Variants in RUFY3 observed in about 807,000 individuals in gnomAD.
RUFY3 encodes protein RUFY3.
In RUFY3, 34 loss-of-function variants were observed where a neutral mutation model predicts 84.0. That is an observed-to-expected ratio of 0.40 (90% CI 0.31 to 0.54). RUFY3 has a LOEUF of 0.54. RUFY3 is among the 20% of genes least tolerant of loss of function. The pLI, the probability that RUFY3 is intolerant of heterozygous loss-of-function variation, is 0.39. For missense variants in RUFY3, 507 were observed against 736.8 expected, an observed-to-expected ratio of 0.69 and a Z score of 3.61; for synonymous variants, 242 against 252.9, an observed-to-expected ratio of 0.96 and a Z score of 0.41.
intron 10 of RUFY3, among the ~76,000 whole-genome samples, chr4:70,786,951 G>A (rs745861938): frequency 2.6e-5 from 4 of 151,532 alleles, no homozygotes; most frequent in Non-Finnish European, 4.4e-5. Context: ...TGGGAGGATC[G>A]CTTGAGCTTA....
At chr4:70,794,692 A>G (rs75656641) in intron 13 of RUFY3, 103 bp from the exon 14 acceptor site, 19,227 of 746,680 alleles carry the variant, frequency 0.026, 860 homozygotes, top group East Asian at 0.16. Context: ...GCCCTTAACC[A>G]TTCGTAATTA....
chr4:70,783,738 G>T (rs1729314133), intron 9 of RUFY3, among the ~76,000 whole-genome samples: 2 of 152,182 alleles, frequency 1.3e-5, no homozygotes, highest in African/African-American at 4.8e-5. Flanking sequence ...TACCAACATT[G>T]ACAATTCCCT....
chr4:70,749,449 G>A (rs1369228050), intron 1 of RUFY3, among the ~76,000 whole-genome samples: 1 of 151,360 alleles, frequency 6.6e-6, no homozygotes, highest in Non-Finnish European at 1.5e-5. Context: ...AACCAAGAAT[G>A]AGTAAGAGTA....
At chr4:70,804,473 G>A in intron 17 of RUFY3, 57 bp downstream of exon 17, 5 of 1,451,316 alleles carry the variant, frequency 3.4e-6, no homozygotes, top group Non-Finnish European at 4.8e-6. Context: ...GCAGCCCCCA[G>A]TCCCTCCCCA....
intron 1 of RUFY3, among the ~76,000 whole-genome samples, chr4:70,757,304 T>C (rs774660935): frequency 6.7e-6 from 1 of 150,076 alleles, no homozygotes; most frequent in Non-Finnish European, 1.5e-5. Flanking sequence ...AAATGGAACA[T>C]TTAAAATTAT....
At chr4:70,720,069 C>T (rs1043205370), upstream of RUFY3, among the ~76,000 whole-genome samples, 3 of 151,884 alleles carry the variant, frequency 2.0e-5, no homozygotes, top group African/African-American at 7.3e-5. Flanking sequence ...ACCAGTATAC[C>T]CTCCTTCTTT....
rs200494061 is a variant in RUFY3 at position 70,753,049 on chromosome 4, TTTA to T, written c.179-9460_179-9458del. 6.0e-3 allele frequency among the ~76,000 whole-genome samples: 920 copies of T among 152,290 alleles called. 36 individuals are homozygous for T. Among genetic ancestry groups the T allele is most frequent in the Admixed American group, 0.055 (833 of 15,280 alleles). Reference sequence around the variant, plus strand: ...CCTGGCCTCCTCTGTATGCTATTTTTTTATTATTATTACTAATTCAGGATCTTT... The same window carrying T: ...CCTGGCCTCCTCTGTATGCTATTTTTTTATTATTACTAATTCAGGATCTTT... On this transcript the variant is annotated intron_variant, in intron 1 of 17. Transcript: ENST00000381006.
intron 1 of RUFY3, among the ~76,000 whole-genome samples, chr4:70,744,903 CCTCAGGCTCCCAAAGTG>C (rs1253549393): frequency 6.6e-6 from 1 of 151,870 alleles, no homozygotes; most frequent in East Asian, 1.9e-4. Flanking sequence ...GATGCGCCCG[CCTCAGGCTCCCAAAGTG>C]CTGGGATTAC....
intron 1 of RUFY3, among the ~76,000 whole-genome samples, chr4:70,754,622 A>G (rs893127775): frequency 1.3e-5 from 2 of 151,280 alleles, no homozygotes; most frequent in Non-Finnish European, 2.9e-5. Context: ...GTGTTTTATT[A>G]CAAGGTCTTT....
intron 1 of RUFY3, among the ~76,000 whole-genome samples, chr4:70,723,202 A>C (rs1206338330): frequency 6.6e-6 from 1 of 152,208 alleles, no homozygotes; most frequent in Non-Finnish European, 1.5e-5. Flanking sequence ...TGGTATCCTC[A>C]CCATTATATG....
chr4:70,719,484 C>T (rs1035844700), upstream of RUFY3, among the ~76,000 whole-genome samples: 3 of 152,038 alleles, frequency 2.0e-5, no homozygotes, highest in Admixed American at 1.3e-4. Context: ...GGTTTTGGAC[C>T]CCAGACAATC....
At chr4:70,789,285 G>A (rs946830954) in intron 11 of RUFY3, among the ~76,000 whole-genome samples, 2 of 152,188 alleles carry the variant, frequency 1.3e-5, no homozygotes, top group African/African-American at 4.8e-5. Flanking sequence ...ACACTGGAAT[G>A]TGATACATTG....
chr4:70,795,941 T>A (rs1731446294), intron 14 of RUFY3, among the ~76,000 whole-genome samples: 1 of 152,206 alleles, frequency 6.6e-6, no homozygotes, highest in South Asian at 2.1e-4. Flanking sequence ...AGGAATGAGT[T>A]AGGAGCATAT....
At chr4:70,731,742 A>G (rs1376956905) in intron 1 of RUFY3, among the ~76,000 whole-genome samples, 1 of 151,972 alleles carries the variant, frequency 6.6e-6, no homozygotes, top group Non-Finnish European at 1.5e-5. Context: ...TAATTTTTGT[A>G]TTTTTAGTGC....
chr4:70,716,426 G>A (rs1046575054), intron 1 of RUFY3, among the ~76,000 whole-genome samples: 7 of 152,072 alleles, frequency 4.6e-5, no homozygotes, highest in Non-Finnish European at 8.8e-5. Flanking sequence ...GATTACAGAC[G>A]TGAGCCGCCG....
rs1309651869 is a variant in RUFY3 at position 70,722,164 on chromosome 4, G to A, written c.-410G>A. Reference sequence around the variant, plus strand: ...TATATTTTTTTTCTGCACAAAGGAGGAGGATTTTTCACTTACTCATATCGA... The same window carrying A: ...TATATTTTTTTTCTGCACAAAGGAGAAGGATTTTTCACTTACTCATATCGA... On this transcript the variant is annotated 5_prime_UTR_variant, in exon 1 of 18. Coordinates refer to ENST00000381006, the MANE Select transcript of RUFY3 (RefSeq NM_001037442.4). 8.1e-7 allele frequency: 1 copy of A among 1,230,936 alleles called. No homozygotes were observed. The highest frequency in any genetic ancestry group is 3.2e-5 in the East Asian group (1 of 31,696). 76.3% of individuals were successfully genotyped at this position (1,230,936 alleles called of 1,614,324 possible).
intron 17 of RUFY3, among the ~76,000 whole-genome samples, chr4:70,805,571 A>T (rs552780119): frequency 1.3e-5 from 2 of 152,368 alleles, no homozygotes; most frequent in African/African-American, 2.4e-5. Context: ...ATAAATTATA[A>T]TATGACCTAG....
At chr4:70,748,551 T>C (rs964722474) in intron 1 of RUFY3, among the ~76,000 whole-genome samples, 5 of 152,178 alleles carry the variant, frequency 3.3e-5, no homozygotes, top group Admixed American at 3.3e-4. Flanking sequence ...CTTTAACAAA[T>C]TAATAAAGCC....
intron 1 of RUFY3, among the ~76,000 whole-genome samples, chr4:70,751,972 G>T (rs186983193): frequency 6.6e-6 from 1 of 152,072 alleles, no homozygotes; most frequent in Non-Finnish European, 1.5e-5. Context: ...GTAGAGATGG[G>T]GTTTCACCAT....
Sources: allele counts gnomAD v4.1 joint callset (sites outside exome capture counted in the v4.1 genomes callset), GRCh38; gene constraint gnomAD v4.1.1; transcripts MANE v1.5; gene names NCBI Gene and HGNC (gene_info 2026-07-23, HGNC 2026-07-21).